BAALC: variants seen among roughly 807,000 people sequenced by gnomAD.
The protein encoded by BAALC is BAALC binder of MAP3K1 and KLF4.
A neutral mutation model predicts 15.5 loss-of-function variants in BAALC; 9 were observed. The observed-to-expected ratio is 0.58, with a 90% CI of 0.35 to 1.02. The LOEUF (loss-of-function observed/expected upper bound fraction) is 1.02, where lower values mean the gene tolerates loss of function less well. BAALC is among the 50% of genes least tolerant of loss of function. BAALC has a pLI of 0.02. For synonymous variants in BAALC, 80 were observed against 74.6 expected (o/e 1.07, Z -0.37); for missense variants, 201 against 192.4 (o/e 1.04, Z -0.27).
chr8:103,201,182 T>C (rs1397286759), intron 1 of BAALC, among the ~76,000 whole-genome samples: 1 of 152,006 alleles, frequency 6.6e-6, no homozygotes, highest in Non-Finnish European at 1.5e-5. Flanking sequence ...GAATCAAAGA[T>C]CAAAGTAGGT....
chr8:103,213,200 G>GA (rs371157793), intron 2 of BAALC, 115 bp downstream of exon 2: 779 of 1,156,124 alleles, frequency 6.7e-4, no homozygotes, highest in South Asian at 1.1e-3. Flanking sequence ...GCTCATCTTG[G>GA]AAAAAAAAAG....
rs577792558 is a variant in BAALC at position 103,141,044 on chromosome 8, C to A, written c.147C>A (p.Gly49=). 1 of 1,500,650 alleles carries A rather than the reference C, an allele frequency of 6.7e-7. No homozygotes were observed. Among genetic ancestry groups the A allele is most frequent in the South Asian group, 1.3e-5 (1 of 79,298 alleles). The allele number at this position is 1,500,650 out of a possible 1,614,324, so 93.0% of individuals were successfully genotyped here. The change falls in exon 1 of 3, where the codon GGC becomes GGA. Residue 49 remains glycine, a synonymous_variant. Coordinates refer to ENST00000309982, the MANE Select transcript of BAALC (RefSeq NM_024812.3). ...CCCCGGACAGCGGCCCCGAAGCGGG[C>A]GGCCTGCACTCGGGTAAGTGGCCGG... ...AAAPDSGPEA[G]GLHSGMLEDG... is the part of the protein sequence containing the mutation.
At chr8:103,200,025 A>G (rs1812179318) in intron 1 of BAALC, among the ~76,000 whole-genome samples, 2 of 152,174 alleles carry the variant, frequency 1.3e-5, no homozygotes, top group Admixed American at 6.5e-5. Flanking sequence ...TCTATGGTGT[A>G]TATATACAAC....
Position 103,141,056 on chromosome 8 carries a change from G to A in BAALC, c.159G>A (p.Ser53=), listed in dbSNP as rs76617408. 3,015 of 1,492,292 alleles carry A rather than the reference G, an allele frequency of 2.0e-3. 53 individuals are homozygous for A. In the African/African-American group the frequency reaches 0.04, roughly 20 times the overall value. 92.4% of individuals were successfully genotyped at this position (1,492,292 alleles called of 1,614,324 possible). A position where few individuals can be genotyped will look rare whatever the true frequency, so the allele number is the denominator to read the frequency against. ...GCCCCGAAGCGGGCGGCCTGCACTC[G>A]GGTAAGTGGCCGGGCCCCTGCAGAC... ...DSGPEAGGLH[S]GMLEDGLPSN... The change falls in exon 1 of 3, where the codon TCG becomes TCA. Residue 53 remains serine, a splice_region_variant and synonymous_variant. Coordinates refer to ENST00000309982, the MANE Select transcript of BAALC (RefSeq NM_024812.3).
At chr8:103,178,953 A>G (rs1425835156) in intron 1 of BAALC, among the ~76,000 whole-genome samples, 1 of 152,168 alleles carries the variant, frequency 6.6e-6, no homozygotes, top group Non-Finnish European at 1.5e-5. Context: ...TAGTTGGTGG[A>G]AAGAAGGAAA....
At chr8:103,201,090 C>T (rs997296559) in intron 1 of BAALC, among the ~76,000 whole-genome samples, 3 of 152,214 alleles carry the variant, frequency 2.0e-5, no homozygotes, top group African/African-American at 7.2e-5. Flanking sequence ...AAATCTCTGA[C>T]TGATTAAATC....
chr8:103,164,158 A>G (rs7839419), intron 1 of BAALC, among the ~76,000 whole-genome samples: 8,696 of 152,236 alleles, frequency 0.057, 412 homozygotes, highest in Middle Eastern at 0.17. Context: ...CTTTGTGAGC[A>G]TTAGGGGATA....
chr8:103,172,009 T>C (rs1357545173), intron 1 of BAALC: 1 of 152,200 alleles, frequency 6.6e-6, no homozygotes, highest in Non-Finnish European at 1.5e-5. Flanking sequence ...CTTAGAATTG[T>C]TAGTCCAGGA....
intron 1 of BAALC, among the ~76,000 whole-genome samples, chr8:103,195,570 T>TAA (rs1812075497): frequency 2.6e-5 from 4 of 152,066 alleles, no homozygotes; most frequent in African/African-American, 7.2e-5. Context: ...GAGGGATGAG[T>TAA]GGCTGGCACC....
At chr8:103,177,207 G>A (rs1394564661) in intron 1 of BAALC, among the ~76,000 whole-genome samples, 1 of 97,796 alleles carries the variant, frequency 1.0e-5, no homozygotes, top group African/African-American at 4.4e-5. Flanking sequence ...TTTTTTTTTT[G>A]AGACAAGATC....
chr8:103,140,937 C>A lies in BAALC; in HGVS notation c.40C>A (p.Arg14Ser). 6.5e-7 allele frequency: 1 copy of A among 1,534,240 alleles called. No individual in the cohort carries two copies. Among genetic ancestry groups the A allele is most frequent in the East Asian group, 2.6e-5 (1 of 38,132 alleles). The change falls in exon 1 of 3, where the codon CGC (arginine) becomes AGC (serine). Residue 14 changes from arginine (R) to serine (S), a missense_variant. Physicochemically the swap from Arg to Ser is moderately radical, Grantham distance 110. Coordinates refer to ENST00000309982, the MANE Select transcript of BAALC (RefSeq NM_024812.3). The surrounding 1 kb of genome is among the most constrained non-coding windows in gnomAD (Gnocchi z 4.2). ...GGSRADAIEP[R>S]YYESWTRETE... ...GAGCCGGGCGGATGCCATCGAGCCC[C>A]GCTACTACGAGAGCTGGACCCGGGA...
At chr8:103,184,547 T>C (rs1334888506) in intron 1 of BAALC, among the ~76,000 whole-genome samples, 1 of 152,218 alleles carries the variant, frequency 6.6e-6, no homozygotes, top group Non-Finnish European at 1.5e-5. Context: ...CTTAGTGACT[T>C]GCCCAAAGTC....
At chr8:103,203,731 TTCA>T (rs1229127616) in intron 1 of BAALC, among the ~76,000 whole-genome samples, 1 of 152,232 alleles carries the variant, frequency 6.6e-6, no homozygotes, top group Non-Finnish European at 1.5e-5. Flanking sequence ...GGTTTCAAGG[TTCA>T]TCAATGTCGT....
chr8:103,172,704 T>G lies in BAALC; in HGVS notation c.160+31647T>G, dbSNP rs1382991905. On this transcript the variant is annotated intron_variant, in intron 1 of 2. Transcript: ENST00000309982. ...GCCACCATGCCCAGCCTCTGGCTTG[T>G]TTTTCACTCACTGAGGTAGAGCTCT... Among the ~76,000 whole-genome samples the G allele has an allele frequency of 6.6e-5, 10 of 152,254 alleles. No homozygotes were observed. In the East Asian group the frequency reaches 1.9e-3, roughly 29 times the overall value.
intron 1 of BAALC, among the ~76,000 whole-genome samples, chr8:103,142,610 A>T (rs1265942109): frequency 1.3e-5 from 2 of 152,224 alleles, no homozygotes; most frequent in Non-Finnish European, 1.5e-5. Context: ...AGCATGAAAA[A>T]AATAATAATA....
At chr8:103,186,912 A>T (rs932665116) in intron 1 of BAALC, among the ~76,000 whole-genome samples, 2 of 152,228 alleles carry the variant, frequency 1.3e-5, no homozygotes, top group African/African-American at 4.8e-5. Flanking sequence ...AAATGAGCTG[A>T]CATGGAAAGC....
intron 1 of BAALC, among the ~76,000 whole-genome samples, chr8:103,199,012 A>C (rs979012454): frequency 6.6e-6 from 1 of 152,252 alleles, no homozygotes; most frequent in Non-Finnish European, 1.5e-5. Flanking sequence ...GCTATATAGA[A>C]TTCCATAGTC....
chr8:103,202,549 A>G (rs1208517748), intron 1 of BAALC, among the ~76,000 whole-genome samples: 4 of 152,216 alleles, frequency 2.6e-5, no homozygotes, highest in African/African-American at 7.2e-5. Context: ...ACTAATACAG[A>G]AGGTACACAT....
At chr8:103,171,326 A>G (rs1213090911) in intron 1 of BAALC, among the ~76,000 whole-genome samples, 1 of 148,294 alleles carries the variant, frequency 6.7e-6, no homozygotes, top group Non-Finnish European at 1.5e-5. Context: ...AGTGAGAGAA[A>G]GAGAGAAAGA....
Sources: gnomAD v4.1 joint callset for allele counts (sites outside exome capture counted in the v4.1 genomes callset) on GRCh38, gnomAD v4.1.1 for gene constraint, Gnocchi (gnomAD v3.1) non-coding constraint, MANE v1.5 for transcripts, NCBI Gene and HGNC (gene_info 2026-07-23, HGNC 2026-07-21) for gene names.